PTPRG: variants seen among roughly 807,000 people sequenced by gnomAD.
PTPRG encodes the protein receptor-type tyrosine-protein phosphatase gamma.
In PTPRG, 102 loss-of-function variants were observed where a neutral mutation model predicts 165.3. The ratio of observed to expected loss-of-function variants is 0.62; its 90% CI spans 0.53 to 0.73. The LOEUF (loss-of-function observed/expected upper bound fraction) is 0.73, where lower values mean the gene tolerates loss of function less well. Among genes scored for constraint, PTPRG ranks in the 30% least tolerant of loss-of-function variants. The pLI is 0.00. For missense variants in PTPRG, 1,866 were observed against 1,861.4 expected (o/e 1.00, Z -0.05); for synonymous variants, 675 against 669.5 (o/e 1.01, Z -0.13).
At chr3:62,021,918 T>G (rs1301775041) in intron 4 of PTPRG, among the ~76,000 whole-genome samples, 4 of 151,504 alleles carry the variant, frequency 2.6e-5, no homozygotes, top group Non-Finnish European at 4.4e-5. Flanking sequence ...TTTTCTGATT[T>G]CCTTTTTCCC....
chr3:62,061,911 T>A (rs1700826406), intron 4 of PTPRG, among the ~76,000 whole-genome samples: 1 of 151,530 alleles, frequency 6.6e-6, no homozygotes, highest in Non-Finnish European at 1.5e-5. Context: ...ATTACAGGCG[T>A]GAGCCACTGC....
At position 62,296,934 on chromosome 3, in the gene PTPRG, A is replaced by C. The variant is rs768909730; in HGVS notation, c.*3627A>C. ...AAGAAATAAACATCTCCAGAAAAGG[A>C]GAAAGTCGATTTTATAAAATGTCGC... is the stretch of plus-strand genomic sequence containing the variant. On this transcript the variant is annotated 3_prime_UTR_variant, in exon 30 of 30. Coordinates refer to ENST00000474889, the MANE Select transcript of PTPRG (RefSeq NM_002841.4). 3 of 152,060 alleles carry C rather than the reference A, an allele frequency of 2.0e-5. No individual in the cohort carries two copies. Among genetic ancestry groups the C allele is most frequent in the Non-Finnish European group, 4.4e-5 (3 of 67,966 alleles). 9.4% of individuals were successfully genotyped at this position (152,060 alleles called of 1,614,324 possible).
intron 7 of PTPRG, among the ~76,000 whole-genome samples, chr3:62,165,188 A>G (rs936034711): frequency 6.6e-6 from 1 of 152,214 alleles, no homozygotes; most frequent in Non-Finnish European, 1.5e-5. Context: ...AGGCTAACCA[A>G]TTCCACTTCC....
intron 3 of PTPRG, among the ~76,000 whole-genome samples, chr3:61,997,813 G>A (rs1014884298): frequency 2.6e-5 from 4 of 152,196 alleles, no homozygotes; most frequent in Non-Finnish European, 2.9e-5. Context: ...GTGGAAGGCT[G>A]GAACTAGAGC....
intron 1 of PTPRG, among the ~76,000 whole-genome samples, chr3:61,569,388 C>CT (rs1490501573): frequency 5.9e-5 from 9 of 152,170 alleles, no homozygotes; most frequent in African/African-American, 7.2e-5. Flanking sequence ...CTCCTAAAGT[C>CT]TTTGTGAGGC....
chr3:61,981,083 A>C (rs550904184), intron 2 of PTPRG, among the ~76,000 whole-genome samples: 1 of 152,324 alleles, frequency 6.6e-6, no homozygotes, highest in African/African-American at 2.4e-5. Context: ...GGCCTCGGGG[A>C]ACTTACAGTC....
At chr3:61,911,346 A>G (rs985741155) in intron 2 of PTPRG, among the ~76,000 whole-genome samples, 23 of 152,182 alleles carry the variant, frequency 1.5e-4, no homozygotes, top group Non-Finnish European at 1.3e-4. Context: ...ATATTTGTTG[A>G]GAGTGGGATA....
intron 2 of PTPRG, among the ~76,000 whole-genome samples, chr3:61,797,881 G>A (rs529112870): frequency 1.7e-4 from 25 of 151,092 alleles, no homozygotes; most frequent in Admixed American, 1.2e-3. Context: ...AAGGAGGGAC[G>A]AAAAGAGTGG....
chr3:61,896,539 T>C (rs2038357196), intron 2 of PTPRG, among the ~76,000 whole-genome samples: 1 of 152,218 alleles, frequency 6.6e-6, no homozygotes, highest in Non-Finnish European at 1.5e-5. Flanking sequence ...TCTATGAACC[T>C]ACATTTTCTA....
At chr3:61,979,253 C>A (rs967203503) in intron 2 of PTPRG, among the ~76,000 whole-genome samples, 1 of 152,198 alleles carries the variant, frequency 6.6e-6, no homozygotes, top group African/African-American at 2.4e-5. Flanking sequence ...AGCACCGTTA[C>A]TGATAATATC....
chr3:61,906,326 T>C (rs1178328806), intron 2 of PTPRG, among the ~76,000 whole-genome samples: 3 of 151,892 alleles, frequency 2.0e-5, no homozygotes, highest in South Asian at 2.1e-4. Context: ...TGTGATGGTG[T>C]GCACCTTTAA....
intron 2 of PTPRG, among the ~76,000 whole-genome samples, chr3:61,839,518 A>G (rs961053505): frequency 6.6e-6 from 1 of 152,240 alleles, no homozygotes; most frequent in Non-Finnish European, 1.5e-5. Flanking sequence ...TCCAAGAGCC[A>G]CAGCTTAAAA....
At chr3:61,833,957 T>C (rs2036386025) in intron 2 of PTPRG, among the ~76,000 whole-genome samples, 1 of 152,250 alleles carries the variant, frequency 6.6e-6, no homozygotes, top group Non-Finnish European at 1.5e-5. Flanking sequence ...GGGTCTTCCT[T>C]ATTTCTCATC....
chr3:62,049,622 T>G (rs946485695), intron 4 of PTPRG, among the ~76,000 whole-genome samples: 1 of 152,198 alleles, frequency 6.6e-6, no homozygotes, highest in East Asian at 1.9e-4. Flanking sequence ...TGGGTGGTAA[T>G]TTGTTTTTGA....
At chr3:61,787,247 T>G (rs1297857334) in intron 2 of PTPRG, among the ~76,000 whole-genome samples, 2 of 152,258 alleles carry the variant, frequency 1.3e-5, no homozygotes, top group Non-Finnish European at 2.9e-5. Flanking sequence ...CCTGATGGCC[T>G]TTTAATGTTC....
chr3:61,850,174 T>A (rs1050902175), intron 2 of PTPRG, among the ~76,000 whole-genome samples: 2 of 152,172 alleles, frequency 1.3e-5, no homozygotes, highest in Non-Finnish European at 2.9e-5. Context: ...TTTTATTTTT[T>A]ATTTTTGAAA....
At chr3:62,116,355 C>T (rs560632612) in intron 5 of PTPRG, among the ~76,000 whole-genome samples, 4 of 152,156 alleles carry the variant, frequency 2.6e-5, no homozygotes, top group South Asian at 2.1e-4. Flanking sequence ...CTTTATTGGC[C>T]GGAAATCTTC....
chr3:61,562,124 C>G lies in PTPRG; in HGVS notation c.-164C>G. 5 of 540,396 alleles carry G rather than the reference C, an allele frequency of 9.3e-6. No individual in the cohort carries two copies. Among genetic ancestry groups the G allele is most frequent in the African/African-American group, 2.0e-5 (1 of 50,882 alleles). 33.5% of individuals were successfully genotyped at this position (540,396 alleles called of 1,614,324 possible). A position where few individuals can be genotyped will look rare whatever the true frequency, so the allele number is the denominator to read the frequency against. On this transcript the variant is annotated 5_prime_UTR_variant, in exon 1 of 30. Coordinates refer to ENST00000474889, the MANE Select transcript of PTPRG (RefSeq NM_002841.4). ...TTGAGATTTTCCGGGGGGCGCTCGG[C>G]GGCTTCCCGGATTCCAAGGGGACTC... is the stretch of plus-strand genomic sequence containing the variant.
At chr3:62,261,098 A>G (rs1701683322) in intron 16 of PTPRG, 1 of 152,122 alleles carries the variant, frequency 6.6e-6, no homozygotes, top group African/African-American at 2.4e-5. Flanking sequence ...GGTCAGATCT[A>G]TACAACAGGA....
Sources: gnomAD v4.1 joint callset for allele counts (sites outside exome capture counted in the v4.1 genomes callset) on GRCh38, gnomAD v4.1.1 for gene constraint, MANE v1.5 for transcripts, NCBI Gene and HGNC (gene_info 2026-07-23, HGNC 2026-07-21) for gene names.